The following CSMD3 variants were observed in gnomAD, a reference collection of about 807,000 sequenced individuals.
CSMD3 encodes the protein CUB and sushi domain-containing protein 3.
A neutral mutation model predicts 435.2 loss-of-function variants in CSMD3; 177 were observed. That is an observed-to-expected ratio of 0.41 (90% CI 0.36 to 0.46). The LOEUF (loss-of-function observed/expected upper bound fraction) is 0.46. CSMD3 is among the 20% of genes least tolerant of loss of function. The probability of loss-of-function intolerance (pLI) is 0.34; values close to 1 mark genes in which losing one functional copy is unlikely to be tolerated. For synonymous variants in CSMD3, 1,656 were observed against 1,520.5 expected (o/e 1.09, Z -2.07); for missense variants, 4,265 against 4,504.6 (o/e 0.95, Z 1.52).
chr8:112,339,739 G>C (rs901888496), intron 42 of CSMD3, among the ~76,000 whole-genome samples: 2 of 152,050 alleles, frequency 1.3e-5, no homozygotes, highest in Non-Finnish European at 2.9e-5. Flanking sequence ...AATTCAGAAG[G>C]TTCTTAAAAT....
At chr8:112,751,095 T>C (rs2077559828) in intron 13 of CSMD3, among the ~76,000 whole-genome samples, 1 of 152,130 alleles carries the variant, frequency 6.6e-6, no homozygotes, top group African/African-American at 2.4e-5. Flanking sequence ...AATAGAATTA[T>C]TTTGATGTTT....
At chr8:112,956,713 C>G (rs1242062210) in intron 7 of CSMD3, among the ~76,000 whole-genome samples, 1 of 152,000 alleles carries the variant, frequency 6.6e-6, no homozygotes, top group Non-Finnish European at 1.5e-5. Context: ...GGGGCAGTGG[C>G]AGTGTGTGTA....
chr8:112,424,470 T>C (rs1018758854), intron 32 of CSMD3, among the ~76,000 whole-genome samples: 3 of 152,200 alleles, frequency 2.0e-5, no homozygotes, highest in African/African-American at 7.2e-5. Context: ...AAAGCCATGG[T>C]AACTCACTTC....
intron 22 of CSMD3, among the ~76,000 whole-genome samples, chr8:112,606,632 C>T (rs750997194): frequency 3.9e-5 from 6 of 152,108 alleles, no homozygotes; most frequent in Non-Finnish European, 7.4e-5. Flanking sequence ...GGACATATCA[C>T]GTTAGGTCAC....
chr8:112,506,701 C>T lies in CSMD3; in HGVS notation c.4885G>A (p.Ala1629Thr), dbSNP rs1220011169. The change falls in exon 29 of 71, where the codon GCG (alanine) becomes ACG (threonine). Residue 1629 changes from alanine to threonine, a missense_variant. Ala to Thr is a moderately conservative substitution (Grantham distance 58, BLOSUM62 0). Around this residue, in one of 3 missense-constraint regions of CSMD3, gnomAD observed 3,255 missense variants for 3,380.2 expected, o/e 0.96. Transcript: ENST00000297405. ...TATATAAGAACTCACCTGATGAACG[C>T]CAAGGAGATAACATAGTCTGCATTG... ...TVNADYVISL[A>T]FISFSIEPNY... 8.7e-6 allele frequency: 14 copies of T among 1,613,372 alleles called. No individual in the cohort carries two copies. The highest frequency in any genetic ancestry group is 1.7e-5 in the Admixed American group (1 of 59,956).
At chr8:112,630,204 A>G (rs140348792) in intron 22 of CSMD3, among the ~76,000 whole-genome samples, 2 of 152,302 alleles carry the variant, frequency 1.3e-5, no homozygotes, top group South Asian at 2.1e-4. Context: ...ACTGTATTGT[A>G]TAAAGTCTCT....
At chr8:112,352,579 A>C in intron 38 of CSMD3, 45 bp from the exon 39 acceptor site, 1 of 1,528,562 alleles carries the variant, frequency 6.5e-7, no homozygotes, top group Non-Finnish European at 9.0e-7. Context: ...TTCAAGTGAT[A>C]AATGCTTAAG....
intron 6 of CSMD3, among the ~76,000 whole-genome samples, chr8:112,990,244 A>T (rs2085403645): frequency 6.6e-6 from 1 of 151,992 alleles, no homozygotes; most frequent in Non-Finnish European, 1.5e-5. Context: ...GCAAAACTGA[A>T]GTGTCCCAAT....
chr8:112,322,653 C>T (rs1823108076), intron 45 of CSMD3, among the ~76,000 whole-genome samples: 1 of 152,034 alleles, frequency 6.6e-6, no homozygotes, highest in South Asian at 2.1e-4. Flanking sequence ...TCTCAATTCC[C>T]AATTCTATAT....
At chr8:113,213,617 T>G (rs944512608) in intron 3 of CSMD3, among the ~76,000 whole-genome samples, 1 of 152,074 alleles carries the variant, frequency 6.6e-6, no homozygotes, top group Non-Finnish European at 1.5e-5. Flanking sequence ...AGATTTAATA[T>G]GATTATTTTC....
chr8:112,327,877 T>C (rs1445298456), intron 45 of CSMD3, among the ~76,000 whole-genome samples: 2 of 152,214 alleles, frequency 1.3e-5, no homozygotes, highest in East Asian at 3.8e-4. Context: ...TTTCGTTATT[T>C]TTAATTTTCT....
chr8:113,273,032 G>C (rs980384066), intron 3 of CSMD3, among the ~76,000 whole-genome samples: 4 of 151,838 alleles, frequency 2.6e-5, no homozygotes, highest in African/African-American at 9.7e-5. Context: ...AACACAAAGA[G>C]AAGATAAATG....
At chr8:112,357,221 T>C (rs943387298) in intron 38 of CSMD3, among the ~76,000 whole-genome samples, 3 of 152,146 alleles carry the variant, frequency 2.0e-5, no homozygotes, top group Non-Finnish European at 2.9e-5. Context: ...ACTCTTGTTA[T>C]GTTTTAGCAA....
chr8:113,289,930 C>A (rs2132523369), intron 2 of CSMD3, among the ~76,000 whole-genome samples: 1 of 151,700 alleles, frequency 6.6e-6, no homozygotes, highest in South Asian at 2.1e-4. Context: ...TTAATTAGCA[C>A]CCACTCTCGG....
At chr8:113,004,046 G>A (rs1174036721) in intron 6 of CSMD3, among the ~76,000 whole-genome samples, 1 of 151,918 alleles carries the variant, frequency 6.6e-6, no homozygotes, top group Non-Finnish European at 1.5e-5. Context: ...CTACTTTTTG[G>A]GGAGGCTTTC....
chr8:113,290,845 C>T (rs12550801), intron 2 of CSMD3, among the ~76,000 whole-genome samples: 32,139 of 150,840 alleles, frequency 0.21, 4,075 homozygotes, highest in East Asian at 0.5. Context: ...TAATCATAGG[C>T]CATATTCTAA....
intron 34 of CSMD3, 62 bp from the exon 35 acceptor site, chr8:112,406,789 G>C (rs2130032568): frequency 1.9e-6 from 2 of 1,071,904 alleles, no homozygotes; most frequent in Non-Finnish European, 2.7e-6. Context: ...ATTTCAAAAT[G>C]TAACTGTTTA....
intron 4 of CSMD3, among the ~76,000 whole-genome samples, chr8:113,168,519 CAAAAAAAAAAAA>C (rs71281204): frequency 1.8e-3 from 30 of 17,018 alleles, no homozygotes; most frequent in Non-Finnish European, 2.0e-3. Flanking sequence ...GACTCTGTCT[CAAAAAAAAAAAA>C]AAAAAAAAAA....
In CSMD3 at chr8:112,800,201, C is replaced by T. The variant is rs780733307; in HGVS notation, c.1933G>A (p.Glu645Lys). The T allele has an allele frequency of 6.2e-6, 10 of 1,612,660 alleles. No homozygotes were observed. Among genetic ancestry groups the T allele is most frequent in the Non-Finnish European group, 7.6e-6 (9 of 1,178,928 alleles). ...SQMWLHLQTD[E>K]SVGSVGFKVN... ...TTGAAACCAACAGATCCAACACTTT[C>T]GTCCGTTTGAAGGTGCAGCCACATT... The change falls in exon 13 of 71, where the codon GAA becomes AAA. Residue 645 changes from glutamate (E) to lysine (K), a missense_variant. By Grantham distance (56) the Glu-to-Lys change is moderately conservative (BLOSUM62 1). Coordinates refer to ENST00000297405, the MANE Select transcript of CSMD3 (RefSeq NM_198123.2).
Sources: gnomAD v4.1 joint callset for allele counts (sites outside exome capture counted in the v4.1 genomes callset) on GRCh38, gnomAD v4.1.1 for gene constraint, gnomAD v4.1.1 regional missense constraint, MANE v1.5 for transcripts, NCBI Gene and HGNC (gene_info 2026-07-23, HGNC 2026-07-21) for gene names.